Variants in IQSEC1 observed in about 807,000 individuals in gnomAD.
IQSEC1 encodes IQ motif and Sec7 domain ArfGEF 1, also known as IQ motif and SEC7 domain-containing protein 1.
Under a neutral mutation model 91.0 loss-of-function variants are expected in IQSEC1, and 31 were observed. The observed-to-expected ratio is 0.34, with a 90% confidence interval of 0.26 to 0.46. IQSEC1 has a LOEUF of 0.46. Among genes scored for constraint, IQSEC1 ranks in the 20% least tolerant of loss-of-function variants. IQSEC1 has a pLI of 1.00. For synonymous variants in IQSEC1, 699 were observed against 662.6 expected, an observed-to-expected ratio of 1.05 and a Z score of -0.84; for missense variants, 1,388 against 1,575.6, an observed-to-expected ratio of 0.88 and a Z score of 2.02.
intron 1 of IQSEC1, among the ~76,000 whole-genome samples, chr3:13,044,916 G>C (rs959395517): frequency 1.3e-5 from 2 of 152,278 alleles, no homozygotes; most frequent in African/African-American, 4.8e-5. Context: ...AGTTCTGGTA[G>C]CAGCGGGGGC....
upstream of IQSEC1, among the ~76,000 whole-genome samples, chr3:13,075,408 C>CGAGA (rs1705547634): frequency 6.6e-6 from 1 of 152,228 alleles, no homozygotes; most frequent in South Asian, 2.1e-4. Flanking sequence ...ATGCCCCTCT[C>CGAGA]AGCCGCCTTG....
intron 1 of IQSEC1, among the ~76,000 whole-genome samples, chr3:13,281,400 C>T (rs1170872195): frequency 1.3e-5 from 2 of 152,104 alleles, no homozygotes; most frequent in African/African-American, 4.8e-5. Context: ...ACACACGTCC[C>T]GCTCCTCCTT....
At chr3:12,988,772 C>G (rs1006801522) in intron 1 of IQSEC1, among the ~76,000 whole-genome samples, 5 of 152,138 alleles carry the variant, frequency 3.3e-5, no homozygotes, top group African/African-American at 1.2e-4. Context: ...TTAAGCTGTG[C>G]ATGTTTGTCC....
At chr3:13,212,949 C>A (rs112913386) in intron 1 of IQSEC1, among the ~76,000 whole-genome samples, 176 of 152,272 alleles carry the variant, frequency 1.2e-3, no homozygotes, top group Non-Finnish European at 8.5e-4. Flanking sequence ...ATTCTAGGTT[C>A]AAGTCTCTTA....
At chr3:13,169,301 C>CT (rs1180588809) in intron 1 of IQSEC1, among the ~76,000 whole-genome samples, 5 of 152,246 alleles carry the variant, frequency 3.3e-5, no homozygotes, top group Non-Finnish European at 7.3e-5. Context: ...TAAGATGTGA[C>CT]TTGCTCCTCC....
intron 1 of IQSEC1, among the ~76,000 whole-genome samples, chr3:13,229,377 G>C (rs763131899): frequency 1.4e-4 from 21 of 152,320 alleles, no homozygotes; most frequent in Non-Finnish European, 2.8e-4. Flanking sequence ...AGTGTACAGG[G>C]GTCCAGGCAC....
At chr3:13,238,115 C>T (rs903645713) in intron 1 of IQSEC1, among the ~76,000 whole-genome samples, 1 of 152,316 alleles carries the variant, frequency 6.6e-6, no homozygotes, top group South Asian at 2.1e-4. Flanking sequence ...CCACCGCGTG[C>T]CCCAACCAAC....
intron 4 of IQSEC1, among the ~76,000 whole-genome samples, chr3:12,923,827 T>C (rs558133705): frequency 1.3e-4 from 20 of 152,350 alleles, no homozygotes; most frequent in African/African-American, 3.6e-4. Context: ...GCTGGGCGGC[T>C]AGAAGGGACT....
At chr3:13,132,628 C>T (rs1219696201) in intron 2 of IQSEC1, among the ~76,000 whole-genome samples, 1 of 152,184 alleles carries the variant, frequency 6.6e-6, no homozygotes, top group East Asian at 1.9e-4. Flanking sequence ...CTGAACACTC[C>T]CCTAAGGCAG....
chr3:13,020,517 G>A (rs1302316628), intron 1 of IQSEC1, among the ~76,000 whole-genome samples: 2 of 152,184 alleles, frequency 1.3e-5, no homozygotes, highest in Admixed American at 1.3e-4. Flanking sequence ...AAACTGTGTG[G>A]CTGGGTTTCC....
At position 13,154,460 on chromosome 3, in the gene IQSEC1, T is replaced by TATACACACAC. The variant is rs1707052685; in HGVS notation, c.302+9643_302+9644insGTGTGTGTAT. On this transcript the variant is annotated intron_variant, in intron 2 of 15. Coordinates refer to the IQSEC1 transcript ENST00000648114. ...ATGCATATATATATATATATATATA[T>TATACACACAC]ATATATATATATATATGCAAAAACT... 1.3e-3 allele frequency among the ~76,000 whole-genome samples: 79 copies of TATACACACAC among 59,424 alleles called. 23 individuals carry two copies. The highest frequency in any genetic ancestry group is 5.0e-3 in the African/African-American group (68 of 13,514). The allele number at this position is 59,424 out of a possible 152,430, so 39.0% of individuals were successfully genotyped here. A position where few individuals can be genotyped will look rare whatever the true frequency, so the allele number is the denominator to read the frequency against.
At chr3:13,109,757 C>T (rs1021732635) in intron 2 of IQSEC1, among the ~76,000 whole-genome samples, 4 of 151,674 alleles carry the variant, frequency 2.6e-5, no homozygotes, top group African/African-American at 9.7e-5. Context: ...ACCATGCTTC[C>T]CGTATAGCCT....
At chr3:13,086,694 C>T (rs1705741223) in intron 2 of IQSEC1, among the ~76,000 whole-genome samples, 1 of 152,242 alleles carries the variant, frequency 6.6e-6, no homozygotes, top group South Asian at 2.1e-4. Context: ...TTTGCATCTG[C>T]TGTTCCCTCC....
intron 1 of IQSEC1, among the ~76,000 whole-genome samples, chr3:12,987,236 C>T (rs775780832): frequency 2.6e-5 from 4 of 152,380 alleles, no homozygotes; most frequent in Admixed American, 2.0e-4. Flanking sequence ...GAGGGCTGTC[C>T]GCCTTGCCCT....
chr3:12,900,831 T>C lies in IQSEC1; in HGVS notation c.*152A>G. On this transcript the variant is annotated 3_prime_UTR_variant, in exon 14 of 14. Coordinates refer to ENST00000613206, the MANE Select transcript of IQSEC1 (RefSeq NM_001134382.3). ...TTTGTTCCACACAACACCAGCCCTG[T>C]GGGCTCCTGGGGCTCCGGTTGGGCC... The C allele has an allele frequency of 6.6e-7, 1 of 1,510,628 alleles. No homozygotes were observed. The highest frequency in any genetic ancestry group is 2.5e-5 in the East Asian group (1 of 40,724). The allele number at this position is 1,510,628 out of a possible 1,614,324, so 93.6% of individuals were successfully genotyped here.
intron 2 of IQSEC1, among the ~76,000 whole-genome samples, chr3:13,154,448 T>TAC (rs1351142008): frequency 1.1e-5 from 1 of 92,138 alleles, no homozygotes. Flanking sequence ...CATATATATA[T>TAC]ATATATATAT....
intron 5 of IQSEC1, among the ~76,000 whole-genome samples, chr3:12,921,705 G>A (rs1171027814): frequency 6.6e-6 from 1 of 152,224 alleles, no homozygotes; most frequent in Non-Finnish European, 1.5e-5. Context: ...CTGGCTGTCT[G>A]GCTTGTGCTC....
At chr3:13,283,072 C>T (rs1159208455) in exon 1 of IQSEC1, among the ~76,000 whole-genome samples, 3 of 144,728 alleles carry the variant, frequency 2.1e-5, no homozygotes, top group African/African-American at 4.9e-5. Flanking sequence ...GGGACGGCGG[C>T]TCGGCGCGGC....
At chr3:13,215,409 A>T (rs1311113122) in intron 1 of IQSEC1, among the ~76,000 whole-genome samples, 2 of 151,966 alleles carry the variant, frequency 1.3e-5, no homozygotes, top group African/African-American at 4.8e-5. Flanking sequence ...GGCTCTGGCC[A>T]TGCCAGACAT....
Sources: allele counts gnomAD v4.1 joint callset (sites outside exome capture counted in the v4.1 genomes callset), GRCh38; gene constraint gnomAD v4.1.1; transcripts MANE v1.5; gene names NCBI Gene and HGNC (gene_info 2026-07-23, HGNC 2026-07-21).